TBC1D5: variants seen among roughly 807,000 people sequenced by gnomAD.
TBC1D5 encodes the protein TBC1 domain family, member 5.
Under a neutral mutation model 100.3 loss-of-function variants are expected in TBC1D5, and 75 were observed. The observed-to-expected ratio is 0.75, with a 90% confidence interval of 0.62 to 0.91. The LOEUF (loss-of-function observed/expected upper bound fraction) is 0.91, where lower values mean the gene tolerates loss of function less well. Among genes scored for constraint, TBC1D5 ranks in the 40% least tolerant of loss-of-function variants. TBC1D5 has a pLI of 0.00. For missense variants in TBC1D5, 910 were observed against 942.4 expected, an observed-to-expected ratio of 0.97 and a Z score of 0.45; for synonymous variants, 323 against 325.6, an observed-to-expected ratio of 0.99 and a Z score of 0.09.
intron 1 of TBC1D5, among the ~76,000 whole-genome samples, chr3:17,693,520 T>A (rs1399146021): frequency 6.6e-6 from 1 of 152,176 alleles, no homozygotes; most frequent in African/African-American, 2.4e-5. Flanking sequence ...GGCGGCAGCC[T>A]GGCTGGGGGA....
intron 16 of TBC1D5, among the ~76,000 whole-genome samples, chr3:17,249,789 A>C (rs147564623): frequency 8.5e-5 from 13 of 152,180 alleles, no homozygotes; most frequent in African/African-American, 2.9e-4. Flanking sequence ...AAAGGGAGAA[A>C]GATGAGGAAA....
intron 13 of TBC1D5, among the ~76,000 whole-genome samples, chr3:17,333,867 C>G (rs896793741): frequency 2.6e-5 from 4 of 152,106 alleles, no homozygotes; most frequent in African/African-American, 9.7e-5. Context: ...TCTCCTGTTA[C>G]TTTTGGCTGT....
At chr3:17,618,611 G>T (rs959109975) in intron 2 of TBC1D5, among the ~76,000 whole-genome samples, 4 of 152,194 alleles carry the variant, frequency 2.6e-5, no homozygotes, top group Non-Finnish European at 5.9e-5. Flanking sequence ...AGCAATGGGG[G>T]ACGCCCCTCC....
chr3:17,482,859 TCTC>T (rs1241988395), intron 3 of TBC1D5, among the ~76,000 whole-genome samples: 1 of 152,056 alleles, frequency 6.6e-6, no homozygotes, highest in Non-Finnish European at 1.5e-5. Context: ...ATTGGGGAGA[TCTC>T]CTATATCTAA....
intron 13 of TBC1D5, among the ~76,000 whole-genome samples, chr3:17,371,412 C>T (rs925588664): frequency 3.3e-5 from 5 of 152,242 alleles, no homozygotes; most frequent in African/African-American, 1.2e-4. Context: ...TTCAAAGGGG[C>T]CTTGCATCTT....
At chr3:17,499,487 C>G (rs2095757404) in intron 3 of TBC1D5, among the ~76,000 whole-genome samples, 1 of 149,306 alleles carries the variant, frequency 6.7e-6, no homozygotes, top group Non-Finnish European at 1.5e-5. Flanking sequence ...GTGGGCGGAT[C>G]ACTTGAGACC....
chr3:17,358,360 ATT>A (rs2091409603), intron 13 of TBC1D5, among the ~76,000 whole-genome samples: 1 of 151,690 alleles, frequency 6.6e-6, no homozygotes. Context: ...AATTTTTTGT[ATT>A]TTTAGTGGAG....
rs1466757479 is a variant in TBC1D5 at position 17,704,767 on chromosome 3, G to C, written c.-101+34576C>G. Among the ~76,000 whole-genome samples, 35 of 67,060 alleles carry C rather than the reference G, an allele frequency of 5.2e-4. 2 individuals carry two copies. The highest frequency in any genetic ancestry group is 1.5e-3 in the African/African-American group (24 of 16,238). 44.0% of individuals were successfully genotyped at this position (67,060 alleles called of 152,430 possible). A position where few individuals can be genotyped will look rare whatever the true frequency, so the allele number is the denominator to read the frequency against. Reference sequence around the variant, plus strand: ...AGAGGGACTCCTCACTTCCCAGTAGGGGCGGCCGGGCAGAGGCGCCCCTCA... The same window carrying C: ...AGAGGGACTCCTCACTTCCCAGTAGCGGCGGCCGGGCAGAGGCGCCCCTCA... On this transcript the variant is annotated intron_variant, in intron 1 of 21. Transcript: ENST00000253692.
chr3:17,552,807 T>G (rs1340201041), intron 2 of TBC1D5, among the ~76,000 whole-genome samples: 8 of 152,022 alleles, frequency 5.3e-5, no homozygotes, highest in African/African-American at 1.9e-4. Flanking sequence ...TCATGGGAGT[T>G]TGGATGAAGG....
intron 16 of TBC1D5, among the ~76,000 whole-genome samples, chr3:17,254,117 G>A (rs1205129560): frequency 6.6e-6 from 1 of 152,200 alleles, no homozygotes; most frequent in Non-Finnish European, 1.5e-5. Flanking sequence ...TGTTGATGGA[G>A]ATTGGGTTAT....
intron 3 of TBC1D5, among the ~76,000 whole-genome samples, chr3:17,454,937 C>G (rs970641455): frequency 2.6e-5 from 4 of 151,666 alleles, no homozygotes; most frequent in Admixed American, 6.6e-5. Context: ...AAGAGGACAA[C>G]AACAACAACA....
intron 19 of TBC1D5, among the ~76,000 whole-genome samples, chr3:17,182,527 G>A (rs1485408046): frequency 6.6e-6 from 1 of 152,214 alleles, no homozygotes; most frequent in Non-Finnish European, 1.5e-5. Flanking sequence ...GTTGCTGTGT[G>A]TACCAAACAA....
At chr3:17,657,309 C>A (rs1339518145) in intron 1 of TBC1D5, among the ~76,000 whole-genome samples, 1 of 151,270 alleles carries the variant, frequency 6.6e-6, no homozygotes, top group African/African-American at 2.4e-5. Context: ...CACTCTCCAC[C>A]CTCAATGGAC....
chr3:17,449,578 A>C (rs989931920), intron 3 of TBC1D5, among the ~76,000 whole-genome samples: 8 of 152,178 alleles, frequency 5.3e-5, no homozygotes, highest in African/African-American at 1.9e-4. Context: ...CTGAGGCTTG[A>C]GTAGGCAGTT....
intron 1 of TBC1D5, among the ~76,000 whole-genome samples, chr3:17,630,369 T>C (rs184706647): frequency 1.4e-4 from 22 of 152,360 alleles, no homozygotes. Context: ...GCTCACTTTA[T>C]GTCTCTATGT....
At chr3:17,587,279 T>C (rs1160801672) in intron 2 of TBC1D5, among the ~76,000 whole-genome samples, 1 of 152,044 alleles carries the variant, frequency 6.6e-6, no homozygotes, top group Non-Finnish European at 1.5e-5. Context: ...TTACTGAACA[T>C]ATTATCAACT....
intron 16 of TBC1D5, among the ~76,000 whole-genome samples, chr3:17,248,697 T>G (rs1367670084): frequency 6.6e-6 from 1 of 152,098 alleles, no homozygotes; most frequent in East Asian, 1.9e-4. Flanking sequence ...AAAGGAATAT[T>G]TTTTTTCTGA....
At chr3:17,736,202 C>A (rs2153997571) in intron 1 of TBC1D5, among the ~76,000 whole-genome samples, 1 of 152,220 alleles carries the variant, frequency 6.6e-6, no homozygotes, top group East Asian at 1.9e-4. Context: ...GCTAGTCCTG[C>A]CTCTCATAAT....
chr3:17,208,767 T>C (rs1042665242), intron 18 of TBC1D5, among the ~76,000 whole-genome samples: 1 of 152,218 alleles, frequency 6.6e-6, no homozygotes, highest in Non-Finnish European at 1.5e-5. Context: ...GACTAATCCA[T>C]ATGCCACCAA....
Sources: allele counts gnomAD v4.1 joint callset (sites outside exome capture counted in the v4.1 genomes callset), GRCh38; gene constraint gnomAD v4.1.1; transcripts MANE v1.5; gene names NCBI Gene and HGNC (gene_info 2026-07-23, HGNC 2026-07-21).